TRNT1: variants seen among roughly 807,000 people sequenced by gnomAD.
TRNT1 encodes the protein CCA tRNA nucleotidyltransferase 1, mitochondrial.
In TRNT1, 44 loss-of-function variants were observed where a neutral mutation model predicts 45.6. That is an observed-to-expected ratio of 0.97 (90% CI 0.76 to 1.24). TRNT1 has a LOEUF of 1.24. Among genes scored for constraint, TRNT1 ranks in the 50% most tolerant of loss-of-function variants. The probability of loss-of-function intolerance (pLI) is 0.00; values close to 1 mark genes in which losing one functional copy is unlikely to be tolerated. For synonymous variants in TRNT1, 201 were observed against 171.4 expected (o/e 1.17, Z -1.35); for missense variants, 633 against 504.4 (o/e 1.25, Z -2.44).
chr3:3,151,578 C>T (rs1246006949), downstream of TRNT1, among the ~76,000 whole-genome samples: 1 of 151,986 alleles, frequency 6.6e-6, no homozygotes, highest in African/African-American at 2.4e-5. Context: ...TAAGATAAAC[C>T]ATGTAATTGC....
chr3:3,151,501 T>TG (rs770985159), downstream of TRNT1, among the ~76,000 whole-genome samples: 2 of 38,862 alleles, frequency 5.1e-5, no homozygotes, highest in Non-Finnish European at 1.9e-4. Context: ...AGTAAATATT[T>TG]ATATTCTAAA....
downstream of TRNT1, chr3:3,152,701 T>C: frequency 7.8e-7 from 1 of 1,284,314 alleles, no homozygotes. Context: ...ATACAGTTTT[T>C]AATCCTTCAG....
intron 3 of TRNT1, among the ~76,000 whole-genome samples, chr3:3,139,825 C>G (rs542151071): frequency 2.0e-5 from 3 of 152,318 alleles, no homozygotes; most frequent in South Asian, 4.1e-4. Flanking sequence ...CTCCCGGGGT[C>G]TAGCGATCCT....
chr3:3,128,973 A>G, intron 1 of TRNT1, 41 bp from the exon 2 acceptor site: 1 of 1,417,148 alleles, frequency 7.1e-7, no homozygotes, highest in Non-Finnish European at 9.5e-7. Flanking sequence ...ACTTACCTTC[A>G]CTTTTAATTT....
At chr3:3,151,165 G>T, downstream of TRNT1, 1 of 1,085,502 alleles carries the variant, frequency 9.2e-7, no homozygotes, top group Non-Finnish European at 1.4e-6. Flanking sequence ...ATTCTAAGTT[G>T]AGATTTGATC....
At chr3:3,142,185 C>G (rs1705693921) in intron 4 of TRNT1, among the ~76,000 whole-genome samples, 1 of 152,174 alleles carries the variant, frequency 6.6e-6, no homozygotes, top group Non-Finnish European at 1.5e-5. Context: ...TCTTGTCTAA[C>G]TGGCTTCTCA....
rs2126036773 is a variant in TRNT1 at position 3,147,530 on chromosome 3, C to G, written c.883C>G (p.Leu295Val). Residue 295 changes from leucine to valine, a missense_variant, in exon 7 of 8, where the codon CTT becomes GTT. Coordinates refer to ENST00000251607, the MANE Select transcript of TRNT1 (RefSeq NM_182916.3). ...TGGTTTTTCACCAAAGCCAGTGACTCTTTTGGCCTCATTATTCAAAGTACA... is the reference window on the plus strand; with the variant it reads ...TGGTTTTTCACCAAAGCCAGTGACTGTTTTGGCCTCATTATTCAAAGTACA... ...VDGFSPKPVT[L>V]LASLFKVQDD... 1 of 1,613,902 alleles carries G rather than the reference C, an allele frequency of 6.2e-7. No homozygotes were observed. Among genetic ancestry groups the G allele is most frequent in the Non-Finnish European group, 8.5e-7 (1 of 1,179,858 alleles).
chr3:3,152,372 G>A, downstream of TRNT1: 1 of 1,372,144 alleles, frequency 7.3e-7, no homozygotes, highest in Non-Finnish European at 1.0e-6. Context: ...TAAAGATTGT[G>A]GCAACTCTGC....
At chr3:3,152,205 C>T (rs1396094006), downstream of TRNT1, among the ~76,000 whole-genome samples, 1 of 150,762 alleles carries the variant, frequency 6.6e-6, no homozygotes, top group Non-Finnish European at 1.5e-5. Flanking sequence ...GGCTGGACTG[C>T]AGTGGCACAA....
chr3:3,137,458 G>A lies in TRNT1; in HGVS notation c.342+5G>A, dbSNP rs749382302. On this transcript the variant is annotated splice_donor_5th_base_variant and intron_variant, in intron 3 of 7. Transcript: ENST00000251607. ...CACGGAACAATTACTGCCAGGGTGA[G>A]TCAAAAGTTTGACAGGTAATTACAT... 6.3e-7 allele frequency: 1 copy of A among 1,590,952 alleles called. No homozygotes were observed. Among genetic ancestry groups the A allele is most frequent in the Non-Finnish European group, 8.5e-7 (1 of 1,171,204 alleles).
intron 2 of TRNT1, among the ~76,000 whole-genome samples, chr3:3,135,348 G>T (rs1705258727): frequency 6.6e-6 from 1 of 152,154 alleles, no homozygotes; most frequent in African/African-American, 2.4e-5. Context: ...TTTGGATATA[G>T]CACTGAGGAA....
intron 5 of TRNT1, chr3:3,145,477 T>G (rs1372664580): frequency 7.9e-6 from 1 of 127,096 alleles, no homozygotes; most frequent in African/African-American, 3.1e-5. Flanking sequence ...CACTCCAGCC[T>G]GGGCGACAGA....
intron 2 of TRNT1, chr3:3,130,459 C>T (rs1177736880): frequency 1.3e-5 from 2 of 157,712 alleles, no homozygotes; most frequent in East Asian, 3.8e-4. Context: ...ATAAATGGCC[C>T]AGAATATGTT....
chr3:3,136,833 G>C, intron 2 of TRNT1: 1 of 331,334 alleles, frequency 3.0e-6, no homozygotes, highest in Non-Finnish European at 5.9e-6. Context: ...TTTATTTTTT[G>C]TATAGATAGA....
At chr3:3,131,093 T>A (rs551098657) in intron 2 of TRNT1, among the ~76,000 whole-genome samples, 6 of 150,582 alleles carry the variant, frequency 4.0e-5, no homozygotes, top group Non-Finnish European at 7.4e-5. Context: ...AAAAAAAAAA[T>A]TAATGAGATA....
At chr3:3,149,166 T>TAC (rs1706291225), downstream of TRNT1, 3 of 152,240 alleles carry the variant, frequency 2.0e-5, no homozygotes, top group Non-Finnish European at 4.4e-5. Flanking sequence ...TTGTAGAGTG[T>TAC]AATATTTCTA....
At chr3:3,150,978 T>G, downstream of TRNT1, 1 of 1,614,088 alleles carries the variant, frequency 6.2e-7, no homozygotes, top group Non-Finnish European at 8.5e-7. Flanking sequence ...ATGTCTTTTT[T>G]GGTGGCCGTA....
Position 3,147,521 on chromosome 3 carries a change from C to T in TRNT1, c.874C>T (p.Pro292Ser). 6.2e-7 allele frequency: 1 copy of T among 1,613,822 alleles called. No homozygotes were observed. Among genetic ancestry groups the T allele is most frequent in the Non-Finnish European group, 8.5e-7 (1 of 1,179,826 alleles). ...AAATGTTGATGGTTTTTCACCAAAGCCAGTGACTCTTTTGGCCTCATTATT... is the reference window on the plus strand; with the variant it reads ...AAATGTTGATGGTTTTTCACCAAAGTCAGTGACTCTTTTGGCCTCATTATT... ...SKNVDGFSPK[P>S]VTLLASLFKV... The change falls in exon 7 of 8, where the codon CCA becomes TCA. Residue 292 changes from proline to serine, a missense_variant. By Grantham distance (74) the Pro-to-Ser change is moderately conservative. Transcript: ENST00000251607.
chr3:3,128,929 T>G, intron 1 of TRNT1, 85 bp from the exon 2 acceptor site: 1 of 1,053,872 alleles, frequency 9.5e-7, no homozygotes, highest in Non-Finnish European at 1.4e-6. Context: ...TCTGAGTTGA[T>G]AAACTTGAAA....
Sources: gnomAD v4.1 joint callset for allele counts (sites outside exome capture counted in the v4.1 genomes callset) on GRCh38, gnomAD v4.1.1 for gene constraint, MANE v1.5 for transcripts, NCBI Gene and HGNC (gene_info 2026-07-23, HGNC 2026-07-21) for gene names.